Variants in MBOAT2 observed in about 807,000 individuals in gnomAD.
MBOAT2 encodes the protein membrane-bound glycerophospholipid O-acyltransferase 2.
MBOAT2 carries 28 observed loss-of-function variants against 63.4 expected under a neutral mutation model. The ratio of observed to expected loss-of-function variants is 0.44; its 90% CI spans 0.33 to 0.61. The LOEUF is 0.61. MBOAT2 is among the 20% of genes least tolerant of loss of function. MBOAT2 has a pLI of 0.03. For synonymous variants in MBOAT2, 211 were observed against 215.6 expected, an observed-to-expected ratio of 0.98 and a Z score of 0.19; for missense variants, 470 against 605.8, an observed-to-expected ratio of 0.78 and a Z score of 2.35.
chr2:8,862,793 AT>A lies in MBOAT2; in HGVS notation c.1053-72del. 2 of 1,519,578 alleles carry A rather than the reference AT, an allele frequency of 1.3e-6. No individual in the cohort carries two copies. Among genetic ancestry groups the A allele is most frequent in the Non-Finnish European group, 1.8e-6 (2 of 1,132,402 alleles). 94.1% of individuals were successfully genotyped at this position (1,519,578 alleles called of 1,614,324 possible). The stretch of plus-strand genomic sequence containing the variant: ...CGAGTTTACAAAGCCTGCAATGATC[AT>A]TCTTTTATTACCTGACAGGATTTAG... On this transcript the variant is annotated intron_variant, in intron 10 of 12. Transcript: ENST00000305997. The surrounding 1 kb of genome is among the most constrained non-coding windows in gnomAD (Gnocchi z 4.3).
intron 1 of MBOAT2, among the ~76,000 whole-genome samples, chr2:8,994,366 G>C (rs1672123662): frequency 6.6e-6 from 1 of 152,248 alleles, no homozygotes; most frequent in Non-Finnish European, 1.5e-5. Flanking sequence ...ACTGCTTCCT[G>C]GAGTTGGAGG....
intron 9 of MBOAT2, among the ~76,000 whole-genome samples, chr2:8,864,769 C>T (rs1661742699): frequency 6.6e-6 from 1 of 152,174 alleles, no homozygotes; most frequent in South Asian, 2.1e-4. Context: ...TTCCCAGCTT[C>T]CTCTCTCAAG....
rs576512756 is a variant in MBOAT2, at chr2:8,875,357, ACC to A, written c.690+1671_690+1672del. Reference sequence around the variant, plus strand: ...CAACCTCTGATTTAGGATGTCTATAACCCAAAAGAGGAAAGTGATATTTTATG... The same window carrying A: ...CAACCTCTGATTTAGGATGTCTATAACAAAAGAGGAAAGTGATATTTTATG... On this transcript the variant is annotated intron_variant, in intron 7 of 12. Coordinates refer to ENST00000305997, the MANE Select transcript of MBOAT2 (RefSeq NM_138799.4). Among the ~76,000 whole-genome samples, 925 of 152,338 alleles carry A rather than the reference ACC, an allele frequency of 6.1e-3. 8 individuals are homozygous for A. The highest frequency in any genetic ancestry group is 0.017 in the Admixed American group (265 of 15,302).
intron 1 of MBOAT2, among the ~76,000 whole-genome samples, chr2:8,973,912 G>A (rs1375000521): frequency 6.6e-6 from 1 of 152,020 alleles, no homozygotes; most frequent in Non-Finnish European, 1.5e-5. Context: ...TTGGAAATAG[G>A]GAAGACGATG....
intron 2 of MBOAT2, among the ~76,000 whole-genome samples, chr2:8,948,575 T>C (rs1260487096): frequency 6.6e-6 from 1 of 152,192 alleles, no homozygotes; most frequent in Admixed American, 6.5e-5. Flanking sequence ...CTCCCACTTA[T>C]AAGTGAGACC....
chr2:8,983,008 G>C (rs1383062856), intron 1 of MBOAT2, among the ~76,000 whole-genome samples: 1 of 152,110 alleles, frequency 6.6e-6, no homozygotes, highest in African/African-American at 2.4e-5. Flanking sequence ...TGTGTGCACA[G>C]AATAGCCACA....
At position 8,884,023 on chromosome 2, in the gene MBOAT2, G is replaced by C. The variant is rs192764166; in HGVS notation, c.452-1458C>G. Among the ~76,000 whole-genome samples, 294 of 146,952 alleles carry C rather than the reference G, an allele frequency of 2.0e-3. 1 individual carries two copies. The highest frequency in any genetic ancestry group is 7.2e-3 in the African/African-American group (288 of 39,738). ...GGATCACCTGAGGCCAGGAGTTTGAGACCAGCCTGGCCAACATGGTGAAAC... is the reference window on the plus strand; with the variant it reads ...GGATCACCTGAGGCCAGGAGTTTGACACCAGCCTGGCCAACATGGTGAAAC... On this transcript the variant is annotated intron_variant, in intron 5 of 12. Coordinates refer to ENST00000305997, the MANE Select transcript of MBOAT2 (RefSeq NM_138799.4).
intron 3 of MBOAT2, among the ~76,000 whole-genome samples, chr2:8,916,687 A>C (rs967892388): frequency 2.0e-5 from 3 of 152,260 alleles, no homozygotes; most frequent in Non-Finnish European, 4.4e-5. Flanking sequence ...GATGAAATCA[A>C]ATTAAACGGT....
intron 2 of MBOAT2, among the ~76,000 whole-genome samples, chr2:8,946,974 T>C (rs1668463432): frequency 6.6e-6 from 1 of 152,210 alleles, no homozygotes. Context: ...TGATTAAGCT[T>C]AGTGACGATG....
chr2:8,952,284 T>C (rs1311026120), intron 2 of MBOAT2, among the ~76,000 whole-genome samples: 2 of 152,214 alleles, frequency 1.3e-5, no homozygotes, highest in African/African-American at 4.8e-5. Context: ...TCCAAGAGTA[T>C]AGATAGTATG....
chr2:8,920,048 G>A (rs1666466727), intron 3 of MBOAT2, among the ~76,000 whole-genome samples: 3 of 152,164 alleles, frequency 2.0e-5, no homozygotes, highest in Non-Finnish European at 2.9e-5. Context: ...TTACAGGCGT[G>A]TGCTATCACA....
At chr2:8,887,163 C>T (rs1405653310) in intron 5 of MBOAT2, among the ~76,000 whole-genome samples, 1 of 152,188 alleles carries the variant, frequency 6.6e-6, no homozygotes, top group Non-Finnish European at 1.5e-5. Context: ...AATTTTCCCT[C>T]AGTGGTGTTT....
intron 3 of MBOAT2, among the ~76,000 whole-genome samples, chr2:8,936,248 T>C (rs1000912063): frequency 2.0e-5 from 3 of 152,198 alleles, no homozygotes; most frequent in Non-Finnish European, 4.4e-5. Flanking sequence ...AATGACATTG[T>C]AATGTTCCCA....
intron 7 of MBOAT2, 45 bp from the exon 8 acceptor site, chr2:8,873,345 T>C: frequency 6.4e-7 from 1 of 1,564,226 alleles, no homozygotes; most frequent in Non-Finnish European, 8.7e-7. Flanking sequence ...TCCATGCTCC[T>C]TTTAATTCAT....
intron 4 of MBOAT2, among the ~76,000 whole-genome samples, chr2:8,890,949 T>TA: frequency 6.6e-6 from 1 of 152,386 alleles, no homozygotes; most frequent in South Asian, 2.1e-4. Flanking sequence ...GCATTTATTA[T>TA]ATATTGTAAT....
chr2:8,878,144 C>A (rs780290792), intron 6 of MBOAT2, among the ~76,000 whole-genome samples: 1 of 152,066 alleles, frequency 6.6e-6, no homozygotes, highest in Non-Finnish European at 1.5e-5. Context: ...CTGAAGGCTG[C>A]GGAGGGATTG....
chr2:8,881,266 A>G lies in MBOAT2; in HGVS notation c.506+1245T>C, dbSNP rs565657507. Among the ~76,000 whole-genome samples, 3 of 152,212 alleles carry G rather than the reference A, an allele frequency of 2.0e-5. No individual in the cohort carries two copies. The East Asian group carries it at 5.8e-4, about 29-fold the overall frequency. On this transcript the variant is annotated intron_variant, in intron 6 of 12. Coordinates refer to ENST00000305997, the MANE Select transcript of MBOAT2 (RefSeq NM_138799.4). ...TTGGTGGTTGCAGAATCAAAGTAGGATTGCTTTTTTTTCTCTCCAAAAAAT... is the reference window on the plus strand; with the variant it reads ...TTGGTGGTTGCAGAATCAAAGTAGGGTTGCTTTTTTTTCTCTCCAAAAAAT...
At chr2:8,991,904 G>T (rs927637683) in intron 1 of MBOAT2, among the ~76,000 whole-genome samples, 27 of 152,144 alleles carry the variant, frequency 1.8e-4, no homozygotes, top group African/African-American at 5.8e-4. Flanking sequence ...TTTAGCCTGG[G>T]AATGGGCTTT....
chr2:8,861,551 G>C (rs910111893), intron 11 of MBOAT2, among the ~76,000 whole-genome samples: 3 of 152,236 alleles, frequency 2.0e-5, no homozygotes, highest in Non-Finnish European at 2.9e-5. Context: ...AGCTAGGCAA[G>C]AGATAGCAGA....
Sources: gnomAD v4.1 joint callset for allele counts (sites outside exome capture counted in the v4.1 genomes callset) on GRCh38, gnomAD v4.1.1 for gene constraint, Gnocchi (gnomAD v3.1) non-coding constraint, MANE v1.5 for transcripts, NCBI Gene and HGNC (gene_info 2026-07-23, HGNC 2026-07-21) for gene names.